Variants in NALF1 observed in about 807,000 individuals in gnomAD.
NALF1 encodes family with sequence similarity 155 member A.
NALF1 carries 3 observed loss-of-function variants against 48.4 expected under a neutral mutation model. That is an observed-to-expected ratio of 0.06 (90% CI 0.03 to 0.16). The LOEUF (loss-of-function observed/expected upper bound fraction) is 0.16, where lower values mean the gene tolerates loss of function less well. Ranked by LOEUF, NALF1 falls within the 10% of genes least tolerant of loss-of-function variation. The pLI is 1.00. For synonymous variants in NALF1, 262 were observed against 245.7 expected (o/e 1.07, Z -0.62); for missense variants, 526 against 571.5 (o/e 0.92, Z 0.81).
At chr13:107,275,563 TTA>T (rs1270523177) in intron 1 of NALF1, among the ~76,000 whole-genome samples, 21 of 152,150 alleles carry the variant, frequency 1.4e-4, no homozygotes, top group Admixed American at 1.4e-3. Context: ...TTTTTTTTCT[TTA>T]TCTCACAATT....
At chr13:107,842,529 GT>G (rs1208551251) in intron 1 of NALF1, among the ~76,000 whole-genome samples, 10 of 147,976 alleles carry the variant, frequency 6.8e-5, no homozygotes, top group South Asian at 4.3e-4. Flanking sequence ...TATCTTTAGA[GT>G]TTTTTTTTTA....
intron 1 of NALF1, among the ~76,000 whole-genome samples, chr13:107,789,486 C>T (rs946727489): frequency 2.6e-5 from 4 of 152,198 alleles, no homozygotes; most frequent in African/African-American, 7.2e-5. Flanking sequence ...ATGCTTACTT[C>T]ATCTTTATCT....
At chr13:107,613,189 GAGCT>G (rs1288092635) in intron 1 of NALF1, among the ~76,000 whole-genome samples, 9 of 152,088 alleles carry the variant, frequency 5.9e-5, no homozygotes, top group African/African-American at 2.2e-4. Context: ...ACTAACTTTG[GAGCT>G]TTTTTCCTAA....
chr13:107,181,597 T>A (rs983174028), intron 2 of NALF1, among the ~76,000 whole-genome samples: 9 of 146,562 alleles, frequency 6.1e-5, no homozygotes, highest in Non-Finnish European at 1.2e-4. Context: ...GTTTTCCTTG[T>A]GTCTTACTAT....
At chr13:107,656,350 C>T (rs1207064573) in intron 1 of NALF1, among the ~76,000 whole-genome samples, 1 of 152,000 alleles carries the variant, frequency 6.6e-6, no homozygotes, top group Non-Finnish European at 1.5e-5. Context: ...GAGCTAAGAA[C>T]ATGAATAGAC....
At chr13:107,435,076 G>A (rs1884442196) in intron 1 of NALF1, among the ~76,000 whole-genome samples, 1 of 152,046 alleles carries the variant, frequency 6.6e-6, no homozygotes, top group East Asian at 1.9e-4. Context: ...TCTATGATGG[G>A]TTTAGTAAGA....
At chr13:107,489,076 G>A (rs1885374657) in intron 1 of NALF1, among the ~76,000 whole-genome samples, 1 of 152,076 alleles carries the variant, frequency 6.6e-6, no homozygotes, top group African/African-American at 2.4e-5. Context: ...GAAGGTTTAA[G>A]ATCTCTCCAA....
chr13:107,438,806 T>A (rs189203141), intron 1 of NALF1, among the ~76,000 whole-genome samples: 3 of 90,084 alleles, frequency 3.3e-5, no homozygotes, highest in Non-Finnish European at 6.2e-5. Flanking sequence ...CCAGCCTGGA[T>A]GACAGAGTGA....
chr13:107,181,537 C>A (rs1193451156), intron 2 of NALF1, among the ~76,000 whole-genome samples: 9 of 144,668 alleles, frequency 6.2e-5, no homozygotes, highest in African/African-American at 2.0e-4. Context: ...ACTTATTTTT[C>A]ATTATATTAA....
chr13:107,336,297 G>A (rs1882553894), intron 1 of NALF1, among the ~76,000 whole-genome samples: 1 of 151,842 alleles, frequency 6.6e-6, no homozygotes, highest in Admixed American at 6.6e-5. Flanking sequence ...AGGTTGCAGT[G>A]AGCTGAGATC....
intron 2 of NALF1, among the ~76,000 whole-genome samples, chr13:107,190,905 GCTT>G (rs1879266509): frequency 1.3e-5 from 2 of 152,204 alleles, no homozygotes; most frequent in African/African-American, 4.8e-5. Context: ...ATGGGGTGTA[GCTT>G]CATTTGAAGA....
chr13:107,394,599 T>TA (rs1326411455), intron 1 of NALF1, among the ~76,000 whole-genome samples: 2 of 152,172 alleles, frequency 1.3e-5, no homozygotes, highest in African/African-American at 4.8e-5. Context: ...AAGGTTTCTT[T>TA]AAAAATCTGT....
intron 1 of NALF1, among the ~76,000 whole-genome samples, chr13:107,670,550 T>C (rs1468043385): frequency 2.0e-5 from 3 of 152,090 alleles, no homozygotes; most frequent in African/African-American, 7.2e-5. Context: ...AGGTGTTACA[T>C]CCACAGAGGC....
chr13:107,618,201 A>C (rs1341783132), intron 1 of NALF1, among the ~76,000 whole-genome samples: 2 of 152,198 alleles, frequency 1.3e-5, no homozygotes, highest in African/African-American at 2.4e-5. Context: ...CAGCTGAGAT[A>C]GAAACCAGAA....
intron 1 of NALF1, among the ~76,000 whole-genome samples, chr13:107,517,122 C>T (rs1302458030): frequency 6.6e-6 from 1 of 152,030 alleles, no homozygotes; most frequent in Non-Finnish European, 1.5e-5. Flanking sequence ...TATATCTGGG[C>T]TTCAATTCTG....
At chr13:107,395,881 C>T (rs1883703819) in intron 1 of NALF1, among the ~76,000 whole-genome samples, 1 of 152,082 alleles carries the variant, frequency 6.6e-6, no homozygotes, top group Non-Finnish European at 1.5e-5. Context: ...AGAGACCATC[C>T]TAATGATCTC....
intron 1 of NALF1, among the ~76,000 whole-genome samples, chr13:107,389,295 A>C (rs535168486): frequency 6.6e-6 from 1 of 152,338 alleles, no homozygotes; most frequent in East Asian, 1.9e-4. Flanking sequence ...AACCCCCAGT[A>C]CCTCACAATG....
intron 1 of NALF1, among the ~76,000 whole-genome samples, chr13:107,351,406 T>C (rs942874910): frequency 1.3e-5 from 2 of 152,170 alleles, no homozygotes; most frequent in Non-Finnish European, 2.9e-5. Context: ...ATAAGACCTG[T>C]TTCCCAGGAC....
At chr13:107,757,041 G>A (rs1186459122) in intron 1 of NALF1, among the ~76,000 whole-genome samples, 1 of 152,194 alleles carries the variant, frequency 6.6e-6, no homozygotes, top group Non-Finnish European at 1.5e-5. Context: ...ATATGCAGAT[G>A]TGACTCTGGA....
Sources: allele counts gnomAD v4.1 joint callset (sites outside exome capture counted in the v4.1 genomes callset), GRCh38; gene constraint gnomAD v4.1.1; transcripts MANE v1.5; gene names NCBI Gene and HGNC (gene_info 2026-07-23, HGNC 2026-07-21).